Variants in OR7C1 observed in about 807,000 individuals in gnomAD.
OR7C1 encodes the protein olfactory receptor 7C1.
For synonymous variants in OR7C1, 152 were observed against 160.7 expected (o/e 0.95, Z 0.41); for missense variants, 324 against 383.3 (o/e 0.85, Z 1.29).
chr19:14,800,426 G>A lies in OR7C1; in HGVS notation c.-184C>T, dbSNP rs144255435. The A allele has an allele frequency of 4.1e-4, 144 of 348,768 alleles. 2 individuals carry two copies. In the East Asian group the frequency reaches 7.5e-3, roughly 18 times the overall value. The allele number at this position is 348,768 out of a possible 1,614,324, so 21.6% of individuals were successfully genotyped here. ...AAGATCAACAAGAGTTTCTTTAAATGCAGAATCCCTGGTCAGACCTACGGA... is the reference window on the plus strand; with the variant it reads ...AAGATCAACAAGAGTTTCTTTAAATACAGAATCCCTGGTCAGACCTACGGA... On this transcript the variant is annotated 5_prime_UTR_variant, in exon 4 of 5. Transcript: ENST00000641666.
In OR7C1 at chr19:14,799,601, CA is replaced by C. The variant is rs1256689924; in HGVS notation, c.535del (p.Cys179ValfsTer7). Reference sequence around the variant, plus strand: ...GAGCTTCAGGACTTCAAGTAGATCACAAAAAAAGTGTGGAATTTCCATTTCG... The same window carrying C: ...GAGCTTCAGGACTTCAAGTAGATCACAAAAAAGTGTGGAATTTCCATTTCG... On this transcript the variant is annotated frameshift_variant, in exon 5 of 5. Coordinates refer to ENST00000641666, the Ensembl canonical transcript of OR7C1. LOFTEE classifies it low-confidence loss of function (END_TRUNC). 1.9e-6 allele frequency: 3 copies of C among 1,613,746 alleles called. No individual in the cohort carries two copies. The highest frequency in any genetic ancestry group is 2.5e-6 in the Non-Finnish European group (3 of 1,179,948).
chr19:14,827,318 TC>T, intron 1 of OR7C1: 1 of 1,568,210 alleles, frequency 6.4e-7, no homozygotes, highest in Non-Finnish European at 8.6e-7. Context: ...CTTTCATTGT[TC>T]CCCACAACAA....
intron 1 of OR7C1, among the ~76,000 whole-genome samples, chr19:14,823,691 C>G (rs1478786789): frequency 2.0e-5 from 3 of 152,132 alleles, no homozygotes; most frequent in South Asian, 2.1e-4. Context: ...TATTTAGCTC[C>G]CACTTGTAAG....
intron 1 of OR7C1, among the ~76,000 whole-genome samples, chr19:14,815,560 G>A (rs1192157383): frequency 6.6e-6 from 1 of 152,194 alleles, no homozygotes; most frequent in African/African-American, 2.4e-5. Flanking sequence ...CCATCTTGCA[G>A]GCTGTAACCC....
At chr19:14,812,701 G>A (rs1482799938) in intron 1 of OR7C1, among the ~76,000 whole-genome samples, 1 of 151,778 alleles carries the variant, frequency 6.6e-6, no homozygotes, top group African/African-American at 2.4e-5. Context: ...TTTGTTTGCG[G>A]CTCGTCCTGC....
At chr19:14,814,748 G>A (rs556899831) in intron 1 of OR7C1, among the ~76,000 whole-genome samples, 39 of 152,168 alleles carry the variant, frequency 2.6e-4, no homozygotes, top group Admixed American at 6.5e-4. Context: ...TTAACTGAAC[G>A]GACCTCCTCT....
Position 14,829,576 on chromosome 19 carries a change from T to C in OR7C1, c.-623+5498A>G, listed in dbSNP as rs575156670. ...GCCAGGGAATCAGTAAGACGGAGAG[T>C]GATGGGACATGGTGTCAGAGGATGT... is the stretch of plus-strand genomic sequence containing the variant. On this transcript the variant is annotated intron_variant, in intron 1 of 4. Transcript: ENST00000641666. Among the ~76,000 whole-genome samples the C allele has an allele frequency of 4.1e-4, 63 of 151,914 alleles. 1 individual carries two copies. The highest frequency in any genetic ancestry group is 1.4e-3 in the African/African-American group (58 of 41,428).
At chr19:14,812,551 CA>C (rs1384560987) in intron 1 of OR7C1, among the ~76,000 whole-genome samples, 3 of 152,166 alleles carry the variant, frequency 2.0e-5, no homozygotes, top group African/African-American at 7.2e-5. Context: ...ATGACCCTTT[CA>C]TGTGAAATCC....
intron 1 of OR7C1, among the ~76,000 whole-genome samples, chr19:14,818,147 T>C (rs935909734): frequency 2.0e-5 from 3 of 151,768 alleles, no homozygotes; most frequent in Non-Finnish European, 2.9e-5. Flanking sequence ...TGGAGCGCAG[T>C]AGTGGCACGA....
At chr19:14,809,556 G>A (rs904613763) in intron 2 of OR7C1, among the ~76,000 whole-genome samples, 4 of 150,986 alleles carry the variant, frequency 2.6e-5, no homozygotes, top group African/African-American at 9.8e-5. Context: ...AAGAAACAGA[G>A]ATTGAAAGCA....
intron 2 of OR7C1, among the ~76,000 whole-genome samples, chr19:14,806,658 G>A (rs1391401986): frequency 6.6e-6 from 1 of 151,930 alleles, no homozygotes; most frequent in African/African-American, 2.4e-5. Flanking sequence ...TCCTGTGTTA[G>A]TTTGCTGAGG....
At position 14,828,293 on chromosome 19, in the gene OR7C1, G is replaced by A. The variant is rs118148336; in HGVS notation, c.-623+6781C>T. The A allele has an allele frequency of 2.5e-4, 389 of 1,537,866 alleles. 1 individual carries two copies. The East Asian group carries it at 8.3e-3, about 33-fold the overall frequency. On this transcript the variant is annotated intron_variant, in intron 1 of 4. Coordinates refer to ENST00000641666, the Ensembl canonical transcript of OR7C1. Reference sequence around the variant, plus strand: ...AGAGAGAAAGAGGGAAACGAGACAGGCATGCATTGCTAACCTTTCAGAAAT... The same window carrying A: ...AGAGAGAAAGAGGGAAACGAGACAGACATGCATTGCTAACCTTTCAGAAAT...
intron 1 of OR7C1, among the ~76,000 whole-genome samples, chr19:14,821,041 C>T (rs1188478174): frequency 6.6e-6 from 1 of 152,078 alleles, no homozygotes; most frequent in Non-Finnish European, 1.5e-5. Context: ...ATCACGAGAC[C>T]TGCCTGGCCA....
rs562146443 is a variant in OR7C1 at position 14,819,116 on chromosome 19, C to T, written c.-622-9123G>A. On this transcript the variant is annotated intron_variant, in intron 1 of 4. Coordinates refer to ENST00000641666, the Ensembl canonical transcript of OR7C1. The stretch of plus-strand genomic sequence containing the variant: ...TGTCCACATCTTTTTTCTTTATTGC[C>T]ACCTTTCTTTTTTCTTTTTTGCAAT... Among the ~76,000 whole-genome samples the T allele has an allele frequency of 6.0e-5, 9 of 150,892 alleles. No individual in the cohort carries two copies. The East Asian group carries it at 1.6e-3, about 26-fold the overall frequency.
chr19:14,817,272 A>G (rs184917146), intron 1 of OR7C1, among the ~76,000 whole-genome samples: 2 of 152,276 alleles, frequency 1.3e-5, no homozygotes, highest in Admixed American at 6.5e-5. Flanking sequence ...TTATGGCTGC[A>G]TAGTATTCCA....
intron 1 of OR7C1, among the ~76,000 whole-genome samples, chr19:14,822,370 TGTC>T (rs1436058361): frequency 2.2e-5 from 3 of 135,844 alleles, no homozygotes; most frequent in Non-Finnish European, 3.1e-5. Flanking sequence ...ACTTATCTCC[TGTC>T]TTTTTTTTTT....
intron 2 of OR7C1, among the ~76,000 whole-genome samples, chr19:14,807,676 C>A (rs2044671845): frequency 6.6e-6 from 1 of 151,862 alleles, no homozygotes; most frequent in Admixed American, 6.6e-5. Context: ...AGTGGTGGAT[C>A]ACGAGGTCAG....
chr19:14,828,990 G>A (rs1328068515), intron 1 of OR7C1, among the ~76,000 whole-genome samples: 4 of 152,036 alleles, frequency 2.6e-5, no homozygotes, highest in Admixed American at 6.6e-5. Context: ...ACAGGCGCTT[G>A]GAAAATAAAC....
At chr19:14,799,388 A>G (rs145099581) in exon 5 of OR7C1, 3 of 1,614,164 alleles carry the variant, frequency 1.9e-6, no homozygotes, top group Non-Finnish European at 2.5e-6. Flanking sequence ...GCCATAGAAC[A>G]AGGTGACCAC....
Sources: gnomAD v4.1 joint callset for allele counts (sites outside exome capture counted in the v4.1 genomes callset) on GRCh38, gnomAD v4.1.1 for gene constraint, MANE v1.5 for transcripts, NCBI Gene and HGNC (gene_info 2026-07-23, HGNC 2026-07-21) for gene names.